PCDH15: variants seen among roughly 807,000 people sequenced by gnomAD.
PCDH15 encodes protocadherin-15.
A neutral mutation model predicts 178.5 loss-of-function variants in PCDH15; 129 were observed. The observed-to-expected ratio is 0.72, with a 90% CI of 0.63 to 0.84. The LOEUF (loss-of-function observed/expected upper bound fraction) is 0.84, where lower values mean the gene tolerates loss of function less well. Ranked by LOEUF, PCDH15 falls within the 40% of genes least tolerant of loss-of-function variation. The probability of loss-of-function intolerance (pLI) is 0.00; values close to 1 mark genes in which losing one functional copy is unlikely to be tolerated. For synonymous variants in PCDH15, 800 were observed against 732.0 expected (o/e 1.09, Z -1.50); for missense variants, 2,230 against 2,099.9 (o/e 1.06, Z -1.21).
At chr10:53,912,336 C>T (rs997222807) in intron 25 of PCDH15, among the ~76,000 whole-genome samples, 17 of 152,134 alleles carry the variant, frequency 1.1e-4, no homozygotes, top group Admixed American at 5.9e-4. Context: ...CAGCCAGTAT[C>T]GTACTGAATG....
chr10:54,828,099 C>T (rs1164515107), intron 3 of PCDH15, among the ~76,000 whole-genome samples: 1 of 151,850 alleles, frequency 6.6e-6, no homozygotes, highest in Non-Finnish European at 1.5e-5. Context: ...GTACTGATAC[C>T]TTGAATTAAT....
intron 1 of PCDH15, among the ~76,000 whole-genome samples, chr10:55,311,084 A>G (rs192953062): frequency 6.6e-6 from 1 of 152,310 alleles, no homozygotes; most frequent in Admixed American, 6.5e-5. Flanking sequence ...CAAAAGTATT[A>G]TTTTATGGTG....
intron 3 of PCDH15, among the ~76,000 whole-genome samples, chr10:54,447,007 A>C (rs1438389418): frequency 6.6e-6 from 1 of 151,486 alleles, no homozygotes; most frequent in East Asian, 1.9e-4. Flanking sequence ...GGTTCCCTAA[A>C]ACTCCCCCTC....
intron 2 of PCDH15, among the ~76,000 whole-genome samples, chr10:55,626,178 T>TAAATAAATA (rs1554807544): frequency 2.6e-5 from 4 of 151,086 alleles, no homozygotes; most frequent in African/African-American, 9.7e-5. Flanking sequence ...AATAAATAAA[T>TAAATAAATA]AAATAAAATA....
intron 15 of PCDH15, among the ~76,000 whole-genome samples, chr10:54,100,264 C>T (rs548768605): frequency 6.6e-6 from 1 of 151,730 alleles, no homozygotes; most frequent in Non-Finnish European, 1.5e-5. Flanking sequence ...ACTCAGGAGG[C>T]TGAGGCAGGA....
At chr10:53,926,843 T>C (rs1253483365) in intron 25 of PCDH15, among the ~76,000 whole-genome samples, 1 of 152,254 alleles carries the variant, frequency 6.6e-6, no homozygotes, top group Admixed American at 6.5e-5. Flanking sequence ...TTCATGCTAC[T>C]ACTTATTGTT....
At chr10:54,692,319 G>A (rs1486696086) in intron 1 of PCDH15, among the ~76,000 whole-genome samples, 1 of 152,058 alleles carries the variant, frequency 6.6e-6, no homozygotes, top group Non-Finnish European at 1.5e-5. Context: ...ATAAATACAA[G>A]CAGTGATATA....
At chr10:54,411,977 G>C (rs990292376) in intron 3 of PCDH15, among the ~76,000 whole-genome samples, 1 of 152,086 alleles carries the variant, frequency 6.6e-6, no homozygotes, top group Non-Finnish European at 1.5e-5. Context: ...GCTTTTTGGG[G>C]CTATGTCCGT....
chr10:55,010,338 A>T (rs1840021024), intron 2 of PCDH15, among the ~76,000 whole-genome samples: 1 of 152,228 alleles, frequency 6.6e-6, no homozygotes. Context: ...CATAAGCAGC[A>T]AAGACAGGCA....
At chr10:55,313,913 G>A (rs532786306) in intron 1 of PCDH15, among the ~76,000 whole-genome samples, 2 of 152,104 alleles carry the variant, frequency 1.3e-5, no homozygotes, top group South Asian at 4.1e-4. Flanking sequence ...CTTTTGATGA[G>A]GGAGGTAGAC....
intron 2 of PCDH15, among the ~76,000 whole-genome samples, chr10:55,404,519 G>A (rs778007554): frequency 1.1e-4 from 16 of 152,012 alleles, no homozygotes; most frequent in Non-Finnish European, 2.1e-4. Flanking sequence ...AAAATGCAGT[G>A]ATCAGACTAT....
chr10:53,978,733 A>G (rs2090393141), intron 21 of PCDH15, among the ~76,000 whole-genome samples: 2 of 149,620 alleles, frequency 1.3e-5, no homozygotes, highest in African/African-American at 2.5e-5. Context: ...CCTTTTGAAC[A>G]CTTTGCTACT....
chr10:54,145,386 C>A lies in PCDH15; in HGVS notation c.1784+7714G>T, dbSNP rs1590770793. Among the ~76,000 whole-genome samples the A allele has an allele frequency of 4.0e-5, 6 of 151,860 alleles. 1 individual carries two copies. Among genetic ancestry groups the A allele is most frequent in the Admixed American group, 3.9e-4 (6 of 15,230 alleles). On this transcript the variant is annotated intron_variant, in intron 14 of 37. Coordinates refer to ENST00000644397, the MANE Select transcript of PCDH15 (RefSeq NM_001384140.1). ...GTTACAGATATTTATATTGCTTTTT[C>A]TGGTAGATTTCAGACAGATTAATTA...
chr10:53,932,522 A>G (rs999438616), intron 25 of PCDH15, among the ~76,000 whole-genome samples: 1 of 152,190 alleles, frequency 6.6e-6, no homozygotes, highest in African/African-American at 2.4e-5. Flanking sequence ...TTTTTACTGT[A>G]GTTGCCAATG....
At chr10:54,374,269 T>C (rs1264889628) in intron 4 of PCDH15, among the ~76,000 whole-genome samples, 1 of 152,092 alleles carries the variant, frequency 6.6e-6, no homozygotes, top group Admixed American at 6.6e-5. Context: ...GACACTGGCC[T>C]GGGCAGGGGA....
intron 37 of PCDH15, among the ~76,000 whole-genome samples, chr10:53,807,576 C>T (rs1841276439): frequency 6.6e-6 from 1 of 152,116 alleles, no homozygotes; most frequent in South Asian, 2.1e-4. Flanking sequence ...TAAACCACAT[C>T]ATTCTAATTT....
rs1309876654 is a variant in PCDH15 at position 55,520,328 on chromosome 10, A to G, written c.-156+107297T>C. ...ATATATATATATACATGCAATGTGT[A>G]TATATATATATATATATATATACAC... is the stretch of plus-strand genomic sequence containing the variant. On this transcript the variant is annotated intron_variant, in intron 2 of 5. Transcript: ENST00000613346. 2.0e-3 allele frequency among the ~76,000 whole-genome samples: 20 copies of G among 10,254 alleles called. 4 individuals carry two copies. The highest frequency in any genetic ancestry group is 2.5e-3 in the Non-Finnish European group (18 of 7,064). 6.7% of individuals were successfully genotyped at this position (10,254 alleles called of 152,430 possible).
chr10:54,649,579 T>C (rs1251595009), intron 2 of PCDH15, among the ~76,000 whole-genome samples: 1 of 152,188 alleles, frequency 6.6e-6, no homozygotes, highest in Non-Finnish European at 1.5e-5. Flanking sequence ...ATATGTAATC[T>C]ATAATTACAC....
intron 2 of PCDH15, among the ~76,000 whole-genome samples, chr10:55,538,023 A>T (rs1251599269): frequency 2.6e-5 from 4 of 152,194 alleles, no homozygotes; most frequent in Admixed American, 2.0e-4. Flanking sequence ...TTCAGTTCTA[A>T]ATTAGAACTC....
Sources: gnomAD v4.1 joint callset for allele counts (sites outside exome capture counted in the v4.1 genomes callset) on GRCh38, gnomAD v4.1.1 for gene constraint, MANE v1.5 for transcripts, NCBI Gene and HGNC (gene_info 2026-07-23, HGNC 2026-07-21) for gene names.